Variants in BTBD9 observed in about 807,000 individuals in gnomAD.
The protein encoded by BTBD9 is BTB domain containing 9.
In BTBD9, 49 loss-of-function variants were observed where a neutral mutation model predicts 64.3. The observed-to-expected ratio is 0.76, with a 90% CI of 0.61 to 0.97. The LOEUF (loss-of-function observed/expected upper bound fraction) is 0.97, where lower values mean the gene tolerates loss of function less well. Among genes scored for constraint, BTBD9 ranks in the 50% least tolerant of loss-of-function variants. BTBD9 has a pLI of 0.00. For synonymous variants in BTBD9, 260 were observed against 274.7 expected, an observed-to-expected ratio of 0.95 and a Z score of 0.53; for missense variants, 598 against 762.1, an observed-to-expected ratio of 0.78 and a Z score of 2.53.
At chr6:38,383,519 A>C (rs1766025498) in intron 6 of BTBD9, among the ~76,000 whole-genome samples, 1 of 152,222 alleles carries the variant, frequency 6.6e-6, no homozygotes, top group Admixed American at 6.5e-5. Flanking sequence ...ATTCTGCAGC[A>C]AGCAAGCAGA....
chr6:38,452,123 A>C (rs1376595170), intron 6 of BTBD9, among the ~76,000 whole-genome samples: 1 of 152,124 alleles, frequency 6.6e-6, no homozygotes. Flanking sequence ...TCTACTAATA[A>C]TAACTATCAT....
At chr6:38,265,611 G>A (rs1453035465) in intron 8 of BTBD9, among the ~76,000 whole-genome samples, 2 of 151,380 alleles carry the variant, frequency 1.3e-5, no homozygotes, top group Admixed American at 6.6e-5. Flanking sequence ...TCCACCTCCC[G>A]GGCTCAAGTG....
chr6:38,196,165 T>G (rs750571184), intron 9 of BTBD9, among the ~76,000 whole-genome samples: 50 of 152,220 alleles, frequency 3.3e-4, no homozygotes, highest in Non-Finnish European at 6.5e-4. Context: ...GTGGAGAGCA[T>G]GGGCTCTGTA....
At chr6:38,251,662 G>T (rs1012671376) in intron 9 of BTBD9, among the ~76,000 whole-genome samples, 1 of 152,118 alleles carries the variant, frequency 6.6e-6, no homozygotes, top group African/African-American at 2.4e-5. Context: ...AGGCCGAGGT[G>T]AATGGATCAC....
intron 4 of BTBD9, among the ~76,000 whole-genome samples, chr6:38,591,142 A>T (rs1424459520): frequency 6.6e-6 from 1 of 152,182 alleles, no homozygotes; most frequent in Non-Finnish European, 1.5e-5. Context: ...TCCTCACTGC[A>T]TGTAAGGGAG....
intron 9 of BTBD9, among the ~76,000 whole-genome samples, chr6:38,215,221 G>A (rs1048317657): frequency 5.9e-5 from 9 of 152,090 alleles, no homozygotes; most frequent in African/African-American, 7.2e-5. Flanking sequence ...ATAAGCTCTC[G>A]GTCATGAGGG....
At chr6:38,587,782 G>T in intron 4 of BTBD9, 2 of 709,788 alleles carry the variant, frequency 2.8e-6, no homozygotes, top group South Asian at 2.7e-5. Context: ...TGCTTCTTCG[G>T]ATTCTTCTGG....
intron 9 of BTBD9, among the ~76,000 whole-genome samples, chr6:38,242,706 C>T (rs1764043956): frequency 6.6e-6 from 1 of 152,186 alleles, no homozygotes; most frequent in African/African-American, 2.4e-5. Context: ...ATAGTATGAG[C>T]CTCTACCTAC....
intron 9 of BTBD9, among the ~76,000 whole-genome samples, chr6:38,254,789 T>C (rs1244799803): frequency 6.6e-6 from 1 of 152,074 alleles, no homozygotes; most frequent in African/African-American, 2.4e-5. Flanking sequence ...TGTGGAAAAA[T>C]TAGAACCCTC....
intron 9 of BTBD9, chr6:38,193,764 C>G: frequency 1.0e-6 from 1 of 971,874 alleles, no homozygotes; most frequent in Non-Finnish European, 1.2e-6. Flanking sequence ...CTGTAATTGT[C>G]TAATTACCAA....
At chr6:38,450,024 T>C (rs1467723294) in intron 6 of BTBD9, among the ~76,000 whole-genome samples, 2 of 152,192 alleles carry the variant, frequency 1.3e-5, no homozygotes, top group Non-Finnish European at 2.9e-5. Flanking sequence ...AACCTAAGTG[T>C]CCATCAATGA....
chr6:38,592,315 T>C (rs747913105), intron 4 of BTBD9, among the ~76,000 whole-genome samples: 3 of 152,176 alleles, frequency 2.0e-5, no homozygotes, highest in Non-Finnish European at 2.9e-5. Flanking sequence ...AAAGTGTCCA[T>C]TTCTGACATT....
chr6:38,562,415 C>A (rs1383229598), intron 6 of BTBD9, among the ~76,000 whole-genome samples: 1 of 152,142 alleles, frequency 6.6e-6, no homozygotes, highest in Non-Finnish European at 1.5e-5. Context: ...GTGATCTATT[C>A]TTTTTTTCTT....
In BTBD9 at chr6:38,598,043, G is replaced by A. The variant is rs1384764369; in HGVS notation, c.52C>T (p.His18Tyr). The A allele has an allele frequency of 6.2e-7, 1 of 1,613,948 alleles. No individual in the cohort carries two copies. Among genetic ancestry groups the A allele is most frequent in the South Asian group, 1.1e-5 (1 of 91,068 alleles). ...RPFTAVGEIDHVHILSEHIGA... is the reference protein window; with the variant it reads ...RPFTAVGEIDYVHILSEHIGA... ...ATATGTTCAGACAAAATGTGCACATGATCAATTTCCCCCACTGCAGTAAAG... is the reference window on the plus strand; with the variant it reads ...ATATGTTCAGACAAAATGTGCACATAATCAATTTCCCCCACTGCAGTAAAG... The change falls in exon 2 of 11, where the codon CAT (histidine) becomes TAT (tyrosine). Residue 18 changes from histidine to tyrosine, a missense_variant. By Grantham distance (83) the His-to-Tyr change is moderately conservative. Transcript: ENST00000481247.
chr6:38,310,793 CTTTGT>C (rs112925381), intron 7 of BTBD9, among the ~76,000 whole-genome samples: 10,067 of 150,998 alleles, frequency 0.067, 859 homozygotes, highest in East Asian at 0.39. Context: ...ACCCTTCTAG[CTTTGT>C]TTTGTTTTGT....
At chr6:38,571,787 C>T (rs1200775735) in intron 6 of BTBD9, 1 of 152,496 alleles carries the variant, frequency 6.6e-6, no homozygotes, top group Non-Finnish European at 1.5e-5. Context: ...GGCAAGGCCC[C>T]ATCTCTACTA....
At chr6:38,233,837 C>A (rs1396748436) in intron 9 of BTBD9, among the ~76,000 whole-genome samples, 1 of 152,208 alleles carries the variant, frequency 6.6e-6, no homozygotes, top group Non-Finnish European at 1.5e-5. Context: ...ATAATGTTTA[C>A]TTCTCTGTTT....
Position 38,260,114 on chromosome 6 carries a change from T to C in BTBD9, c.1455-3598A>G, listed in dbSNP as rs75587103. Among the ~76,000 whole-genome samples, 285 of 152,342 alleles carry C rather than the reference T, an allele frequency of 1.9e-3. 2 individuals carry two copies. The highest frequency in any genetic ancestry group is 6.5e-3 in the African/African-American group (272 of 41,588). On this transcript the variant is annotated intron_variant, in intron 8 of 10. Coordinates refer to ENST00000481247, the MANE Select transcript of BTBD9 (RefSeq NM_001099272.2). ...GTTTGTCTGGTTCTTATTTTGATTA[T>C]AAGAACTTTAGAAAGATGTTTGGTC...
At chr6:38,532,101 T>C (rs922740406) in intron 6 of BTBD9, among the ~76,000 whole-genome samples, 2 of 152,150 alleles carry the variant, frequency 1.3e-5, no homozygotes, top group African/African-American at 4.8e-5. Context: ...AGTGGCCACA[T>C]GATACAGAGA....
Sources: gnomAD v4.1 joint callset for allele counts (sites outside exome capture counted in the v4.1 genomes callset) on GRCh38, gnomAD v4.1.1 for gene constraint, MANE v1.5 for transcripts, NCBI Gene and HGNC (gene_info 2026-07-23, HGNC 2026-07-21) for gene names.